The following EDAR variants were observed in gnomAD, a reference collection of about 807,000 sequenced individuals.
EDAR encodes ectodysplasin A receptor.
In EDAR, 38 loss-of-function variants were observed where a neutral mutation model predicts 51.3. That is an observed-to-expected ratio of 0.74 (90% CI 0.57 to 0.97). EDAR has a LOEUF of 0.97. Ranked by LOEUF, EDAR falls within the 50% of genes least tolerant of loss-of-function variation. The pLI is 0.00. For synonymous variants in EDAR, 227 were observed against 242.1 expected (o/e 0.94, Z 0.58); for missense variants, 528 against 595.0 (o/e 0.89, Z 1.17).
intron 1 of EDAR, among the ~76,000 whole-genome samples, chr2:108,963,219 C>T (rs1007142119): frequency 1.4e-4 from 22 of 152,154 alleles, no homozygotes; most frequent in Non-Finnish European, 2.2e-4. Flanking sequence ...ATGATGTATT[C>T]TTATCTGAAA....
At chr2:108,913,333 C>T (rs890303003) in intron 5 of EDAR, among the ~76,000 whole-genome samples, 1 of 152,110 alleles carries the variant, frequency 6.6e-6, no homozygotes, top group Non-Finnish European at 1.5e-5. Flanking sequence ...GCAAGCCTCA[C>T]CAACTCAATT....
intron 1 of EDAR, among the ~76,000 whole-genome samples, chr2:108,932,471 G>A (rs747137008): frequency 6.8e-6 from 1 of 147,430 alleles, no homozygotes; most frequent in Non-Finnish European, 1.5e-5. Context: ...GGAGCTTGCA[G>A]TGAGCCGAGA....
At chr2:108,930,735 G>T (rs1048120107) in intron 2 of EDAR, among the ~76,000 whole-genome samples, 11 of 152,286 alleles carry the variant, frequency 7.2e-5, no homozygotes, top group African/African-American at 2.6e-4. Context: ...AATCAAGAAC[G>T]TTTATATCCA....
chr2:108,938,029 T>C (rs1403118465), intron 1 of EDAR, among the ~76,000 whole-genome samples: 1 of 147,842 alleles, frequency 6.8e-6, no homozygotes, highest in African/African-American at 2.5e-5. Flanking sequence ...GAAACACTTA[T>C]TTACTTCTAG....
At chr2:108,942,127 G>A (rs1477826036) in intron 1 of EDAR, among the ~76,000 whole-genome samples, 1 of 152,226 alleles carries the variant, frequency 6.6e-6, no homozygotes, top group East Asian at 1.9e-4. Context: ...CTCTCAGCCT[G>A]CTGAGCATAT....
intron 1 of EDAR, among the ~76,000 whole-genome samples, chr2:108,955,822 T>C (rs1174472394): frequency 6.6e-6 from 1 of 152,156 alleles, no homozygotes; most frequent in Non-Finnish European, 1.5e-5. Flanking sequence ...GTCAGGAGAT[T>C]GAGACCATCC....
At chr2:108,910,040 C>T (rs1205316569) in intron 9 of EDAR, among the ~76,000 whole-genome samples, 1 of 152,234 alleles carries the variant, frequency 6.6e-6, no homozygotes, top group Admixed American at 6.5e-5. Flanking sequence ...GCACCAAATG[C>T]TGTTAGCCGT....
At chr2:108,937,406 G>A (rs1344588738) in intron 1 of EDAR, among the ~76,000 whole-genome samples, 1 of 152,122 alleles carries the variant, frequency 6.6e-6, no homozygotes, top group Non-Finnish European at 1.5e-5. Flanking sequence ...ATGTGTATCT[G>A]TGAGCACCTA....
At chr2:108,976,579 C>T (rs978866565) in intron 1 of EDAR, among the ~76,000 whole-genome samples, 1 of 152,200 alleles carries the variant, frequency 6.6e-6, no homozygotes, top group South Asian at 2.1e-4. Context: ...ACATGAATTA[C>T]CTGGAGTTCC....
At chr2:108,977,461 G>T (rs905996400) in intron 1 of EDAR, among the ~76,000 whole-genome samples, 12 of 152,238 alleles carry the variant, frequency 7.9e-5, no homozygotes, top group African/African-American at 2.9e-4. Context: ...TAGTAGAGAC[G>T]CGGTTTCACT....
rs534753987 is a variant in EDAR, at chr2:108,896,763, G to T, written c.*144C>A. 1.3e-6 allele frequency: 1 copy of T among 775,444 alleles called. No individual in the cohort carries two copies. Among genetic ancestry groups the T allele is most frequent in the Non-Finnish European group, 2.0e-6 (1 of 492,154 alleles). 48.0% of individuals were successfully genotyped at this position (775,444 alleles called of 1,614,324 possible). Reference sequence around the variant, plus strand: ...TAAATTGGAAGACAGGCCTTATTTCGTCTGGCTCCTTGAACATCCTAAGGC... The same window carrying T: ...TAAATTGGAAGACAGGCCTTATTTCTTCTGGCTCCTTGAACATCCTAAGGC... On this transcript the variant is annotated 3_prime_UTR_variant, in exon 12 of 12. Transcript: ENST00000258443.
At chr2:108,921,441 G>A (rs1697139185) in intron 5 of EDAR, among the ~76,000 whole-genome samples, 2 of 152,212 alleles carry the variant, frequency 1.3e-5, no homozygotes, top group South Asian at 4.1e-4. Context: ...GAGGGCCCAG[G>A]TAAATCAAGA....
At chr2:108,914,453 T>A (rs920419294) in intron 5 of EDAR, among the ~76,000 whole-genome samples, 8 of 152,104 alleles carry the variant, frequency 5.3e-5, no homozygotes, top group African/African-American at 1.9e-4. Context: ...TGCTTTGCCT[T>A]CCCTTAAAGC....
At chr2:108,905,823 G>C (rs865872095) in intron 11 of EDAR, among the ~76,000 whole-genome samples, 1 of 151,180 alleles carries the variant, frequency 6.6e-6, no homozygotes, top group Non-Finnish European at 1.5e-5. Flanking sequence ...CCAGGTTATG[G>C]GGAGACAGCC....
At chr2:108,976,273 T>C (rs529554118) in intron 1 of EDAR, among the ~76,000 whole-genome samples, 1 of 152,338 alleles carries the variant, frequency 6.6e-6, no homozygotes, top group Admixed American at 6.5e-5. Flanking sequence ...AGGTGTTTTG[T>C]AGAATCCTCC....
At chr2:108,977,664 C>T (rs1698348414) in intron 1 of EDAR, among the ~76,000 whole-genome samples, 1 of 152,022 alleles carries the variant, frequency 6.6e-6, no homozygotes, top group African/African-American at 2.4e-5. Context: ...CTCCTGGGAC[C>T]CGGCTCTCAC....
chr2:108,919,602 C>T (rs1697095935), intron 5 of EDAR, among the ~76,000 whole-genome samples: 5 of 152,168 alleles, frequency 3.3e-5, no homozygotes, highest in Admixed American at 3.3e-4. Context: ...AGATGATCTG[C>T]CTGCTTAGGC....
Position 108,907,558 on chromosome 2 carries a change from G to A in EDAR, c.963+302C>T, listed in dbSNP as rs182553979. On this transcript the variant is annotated intron_variant, in intron 10 of 11. Coordinates refer to ENST00000258443, the MANE Select transcript of EDAR (RefSeq NM_022336.4). Reference sequence around the variant, plus strand: ...AGCTACTTGGGAGGCTGAGACAGGAGAATTGCTTGAACCCAGGAGGCGGAG... The same window carrying A: ...AGCTACTTGGGAGGCTGAGACAGGAAAATTGCTTGAACCCAGGAGGCGGAG... Among the ~76,000 whole-genome samples, 82 of 151,746 alleles carry A rather than the reference G, an allele frequency of 5.4e-4. 3 individuals carry two copies. In the East Asian group the frequency reaches 0.015, roughly 29 times the overall value.
intron 5 of EDAR, among the ~76,000 whole-genome samples, chr2:108,919,428 A>T (rs1319840529): frequency 1.7e-4 from 26 of 152,092 alleles, no homozygotes; most frequent in Admixed American, 1.7e-3. Context: ...GCGCAATCTC[A>T]GTTCACCGCA....
Sources: gnomAD v4.1 joint callset for allele counts (sites outside exome capture counted in the v4.1 genomes callset) on GRCh38, gnomAD v4.1.1 for gene constraint, MANE v1.5 for transcripts, NCBI Gene and HGNC (gene_info 2026-07-23, HGNC 2026-07-21) for gene names.